Variants in RPS6KB2 observed in about 807,000 individuals in gnomAD.
The protein encoded by RPS6KB2 is ribosomal protein S6 kinase beta-2.
RPS6KB2 carries 51 observed loss-of-function variants against 58.2 expected under a neutral mutation model. The ratio of observed to expected loss-of-function variants is 0.88; its 90% CI spans 0.70 to 1.11. The LOEUF (loss-of-function observed/expected upper bound fraction) is 1.11, where lower values mean the gene tolerates loss of function less well. Ranked by LOEUF, RPS6KB2 falls within the 50% of genes least tolerant of loss-of-function variation. RPS6KB2 has a pLI of 0.00. For synonymous variants in RPS6KB2, 293 were observed against 258.6 expected (o/e 1.13, Z -1.28); for missense variants, 671 against 655.8 (o/e 1.02, Z -0.25).
At position 67,434,559 on chromosome 11, in the gene RPS6KB2, A is replaced by G. The variant is rs756023783; in HGVS notation, c.1156-23A>G. 3.3e-5 allele frequency: 52 copies of G among 1,595,088 alleles called. No individual in the cohort carries two copies. The Admixed American group carries it at 3.4e-4, about 10-fold the overall frequency. On this transcript the variant is annotated intron_variant, in intron 13 of 14. Transcript: ENST00000312629. ...AAGGATGGCAGGCACTGAGTGTCGCATGGCCCTGCCTCCGCCCCCCAGGGC... is the reference window on the plus strand; with the variant it reads ...AAGGATGGCAGGCACTGAGTGTCGCGTGGCCCTGCCTCCGCCCCCCAGGGC...
rs918199561 is a variant in RPS6KB2 at position 67,428,517 on chromosome 11, G to T, written c.-29G>T. On this transcript the variant is annotated 5_prime_UTR_variant, in exon 1 of 15. Transcript: ENST00000312629. The stretch of plus-strand genomic sequence containing the variant: ...TCAGTCAGTGCGCGGCCAGGTACGG[G>T]CCGACGGGCCCGCGGGGCCGGCGCC... The T allele has an allele frequency of 9.4e-6, 15 of 1,589,006 alleles. No homozygotes were observed. The highest frequency in any genetic ancestry group is 4.0e-5 in the African/African-American group (3 of 74,374).
chr11:67,433,947 C>CATG (rs769300664), intron 10 of RPS6KB2, 48 bp from the exon 11 acceptor site: 1 of 1,606,894 alleles, frequency 6.2e-7, no homozygotes, highest in Non-Finnish European at 8.5e-7. Context: ...CCCGGGGACA[C>CATG]ATGAGCAGTA....
Position 67,429,240 on chromosome 11 carries a change from G to A in RPS6KB2, c.240G>A (p.Lys80=). The part of the protein sequence containing the change: ...LRVLGKGGYG[K]VFQVRKVQGT... ...TGCTGGGCAAGGGGGGCTATGGCAA[G>A]GTAGGGGCGGGCGCACCCTCCTCCT... is the stretch of plus-strand genomic sequence containing the variant. The change falls in exon 3 of 15, where the codon AAG becomes AAA. Residue 80 remains lysine, a splice_region_variant and synonymous_variant. Transcript: ENST00000312629. 3 of 1,612,622 alleles carry A rather than the reference G, an allele frequency of 1.9e-6. No individual in the cohort carries two copies. Among genetic ancestry groups the A allele is most frequent in the South Asian group, 2.2e-5 (2 of 91,072 alleles).
intron 14 of RPS6KB2, 124 bp from the exon 15 acceptor site, chr11:67,434,865 G>A (rs1015225691): frequency 5.0e-5 from 53 of 1,067,348 alleles, no homozygotes; most frequent in Non-Finnish European, 7.3e-5. Flanking sequence ...TGCCTGGATG[G>A]GAGTTTGTGG....
chr11:67,430,639 G>C (rs1286223644), intron 4 of RPS6KB2: 2 of 152,116 alleles, frequency 1.3e-5, no homozygotes, highest in Non-Finnish European at 2.9e-5. Flanking sequence ...TCACCATGTT[G>C]GTCAGGCTGG....
chr11:67,428,858 T>G, intron 1 of RPS6KB2, 124 bp from the exon 2 acceptor site: 1 of 1,190,014 alleles, frequency 8.4e-7, no homozygotes, highest in Non-Finnish European at 1.2e-6. Context: ...TCCCAATTCT[T>G]ACCCATCCCC....
Position 67,435,255 on chromosome 11 carries a change from T to G in RPS6KB2, c.*86T>G. On this transcript the variant is annotated 3_prime_UTR_variant, in exon 15 of 15. Transcript: ENST00000312629. Reference sequence around the variant, plus strand: ...GGACCCTGGGCCAGTTCCAGAGACCTGGGGGTGTGTCTGGGGGTGGGGTGT... The same window carrying G: ...GGACCCTGGGCCAGTTCCAGAGACCGGGGGGTGTGTCTGGGGGTGGGGTGT... 8.3e-7 allele frequency: 1 copy of G among 1,200,258 alleles called. No individual in the cohort carries two copies. The highest frequency in any genetic ancestry group is 1.1e-6 in the Non-Finnish European group (1 of 881,388). The allele number at this position is 1,200,258 out of a possible 1,614,324, so 74.4% of individuals were successfully genotyped here.
intron 14 of RPS6KB2, 140 bp from the exon 15 acceptor site, chr11:67,434,849 C>T (rs1864210513): frequency 2.0e-6 from 2 of 1,019,940 alleles, no homozygotes; most frequent in South Asian, 3.0e-5. Context: ...CCCCTTGTGG[C>T]CAGGCTGCCT....
chr11:67,434,974 T>A lies in RPS6KB2; in HGVS notation c.1269-15T>A. 6.2e-7 allele frequency: 1 copy of A among 1,612,306 alleles called. No homozygotes were observed. The highest frequency in any genetic ancestry group is 8.5e-7 in the Non-Finnish European group (1 of 1,178,832). ...GGCCTAGGAGGCTCTTATTCTGCCT[T>A]GGTTTCCCCTGCAGCCCCCTCAAGT... On this transcript the variant is annotated splice_polypyrimidine_tract_variant and intron_variant, in intron 14 of 14. Transcript: ENST00000312629.
chr11:67,429,145 G>A lies in RPS6KB2; in HGVS notation c.145G>A (p.Glu49Lys). The A allele has an allele frequency of 6.2e-7, 1 of 1,613,972 alleles. No homozygotes were observed. The highest frequency in any genetic ancestry group is 8.5e-7 in the Non-Finnish European group (1 of 1,180,024). Residue 49 changes from glutamate to lysine, a missense_variant, in exon 3 of 15, where the codon GAG (glutamate) becomes AAG (lysine). By Grantham distance (56) the Glu-to-Lys change is moderately conservative (BLOSUM62 1). Transcript: ENST00000312629. ...LEPVGHYEEV[E>K]LTETSVNVGP... The stretch of plus-strand genomic sequence containing the variant: ...GCCTGTGGGACACTATGAAGAGGTG[G>A]AGCTGACTGAGACCAGCGTGAACGT...
chr11:67,432,176 C>T, intron 5 of RPS6KB2: 3 of 393,716 alleles, frequency 7.6e-6, no homozygotes, highest in South Asian at 5.8e-5. Flanking sequence ...TCTGCATTCG[C>T]TCCGTCCATC....
In RPS6KB2 at chr11:67,434,492, C is replaced by G; in HGVS notation, c.1155+8C>G. 6.2e-7 allele frequency: 1 copy of G among 1,607,280 alleles called. No homozygotes were observed. Among genetic ancestry groups the G allele is most frequent in the African/African-American group, 1.3e-5 (1 of 74,962 alleles). ...GCCAACCAGGCCTTCCTGGTGAGTG[C>G]GGGGGCCTGAGGCCTGTGGGACCAG... is the stretch of plus-strand genomic sequence containing the variant. On this transcript the variant is annotated splice_region_variant and intron_variant, in intron 13 of 14. Transcript: ENST00000312629.
chr11:67,432,546 A>G, intron 5 of RPS6KB2, 54 bp from the exon 6 acceptor site: 1 of 1,596,646 alleles, frequency 6.3e-7, no homozygotes, highest in South Asian at 1.1e-5. Flanking sequence ...AAGACTCAGA[A>G]AGCACAAAGG....
rs779373155 is a variant in RPS6KB2 at position 67,434,570 on chromosome 11, T to C, written c.1156-12T>C. The C allele has an allele frequency of 6.3e-6, 10 of 1,599,542 alleles. No homozygotes were observed. ...GCACTGAGTGTCGCATGGCCCTGCCTCCGCCCCCCAGGGCTTCACATACGT... is the reference window on the plus strand; with the variant it reads ...GCACTGAGTGTCGCATGGCCCTGCCCCCGCCCCCCAGGGCTTCACATACGT... On this transcript the variant is annotated splice_polypyrimidine_tract_variant and intron_variant, in intron 13 of 14. Coordinates refer to ENST00000312629, the MANE Select transcript of RPS6KB2 (RefSeq NM_003952.3).
chr11:67,433,470 C>T, intron 10 of RPS6KB2, 23 bp downstream of exon 10: 11 of 1,552,414 alleles, frequency 7.1e-6, no homozygotes, highest in Non-Finnish European at 9.8e-6. Flanking sequence ...TCTCTCTTCT[C>T]CGGGGCCCTG....
At chr11:67,429,270 TCA>T in intron 3 of RPS6KB2, 30 bp downstream of exon 3, 2 of 1,610,102 alleles carry the variant, frequency 1.2e-6, no homozygotes, top group South Asian at 2.2e-5. Flanking sequence ...CCTCCTGGCC[TCA>T]CAGCCTCCAT....
chr11:67,433,431 G>A lies in RPS6KB2; in HGVS notation c.890G>A (p.Arg297Gln), dbSNP rs755385727. ...ALPPYLTPDA[R>Q]DLVKKFLKRN... ...CCCCCCTACCTCACCCCAGATGCCC[G>A]GGACCTTGTCAAAAAGGTGCAGCTC... The change falls in exon 10 of 15, where the codon CGG becomes CAG. Residue 297 changes from arginine (R) to glutamine (Q), a missense_variant. Arg to Gln is a conservative substitution (Grantham distance 43). Transcript: ENST00000312629. 2.7e-5 allele frequency: 43 copies of A among 1,612,762 alleles called. No individual in the cohort carries two copies. Among genetic ancestry groups the A allele is most frequent in the South Asian group, 1.5e-4 (14 of 91,066 alleles).
chr11:67,429,418 C>G, intron 3 of RPS6KB2, 109 bp from the exon 4 acceptor site: 1 of 1,373,178 alleles, frequency 7.3e-7, no homozygotes, highest in Non-Finnish European at 1.0e-6. Flanking sequence ...CACTGCCCCA[C>G]CCTTGGCAGG....
rs770236261 is a variant in RPS6KB2, at chr11:67,433,991, G to A, written c.907-4G>A. The A allele has an allele frequency of 4.2e-5, 68 of 1,613,966 alleles. No individual in the cohort carries two copies. Among genetic ancestry groups the A allele is most frequent in the Admixed American group, 1.5e-4 (9 of 60,002 alleles). On this transcript the variant is annotated splice_polypyrimidine_tract_variant and splice_region_variant and intron_variant, in intron 10 of 14. Coordinates refer to ENST00000312629, the MANE Select transcript of RPS6KB2 (RefSeq NM_003952.3). ...GGCCCTCACCCTCTCTCCTGGTCCC[G>A]CAGTTTCTGAAACGGAATCCCAGCC...
Sources: allele counts gnomAD v4.1 joint callset, GRCh38; gene constraint gnomAD v4.1.1; transcripts MANE v1.5; gene names NCBI Gene and HGNC (gene_info 2026-07-23, HGNC 2026-07-21).